The following HSP90AA1 variants were observed in gnomAD, a reference collection of about 807,000 sequenced individuals.
The protein encoded by HSP90AA1 is heat shock protein 90 alpha family class A member 1.
HSP90AA1 carries 18 observed loss-of-function variants against 73.3 expected under a neutral mutation model. The observed-to-expected ratio is 0.25, with a 90% CI of 0.17 to 0.36. The LOEUF (loss-of-function observed/expected upper bound fraction) is 0.36. Ranked by LOEUF, HSP90AA1 falls within the 10% of genes least tolerant of loss-of-function variation. The probability of loss-of-function intolerance (pLI) is 1.00; values close to 1 mark genes in which losing one functional copy is unlikely to be tolerated. For synonymous variants in HSP90AA1, 477 were observed against 296.9 expected, an observed-to-expected ratio of 1.61 and a Z score of -6.24; for missense variants, 704 against 874.2, an observed-to-expected ratio of 0.81 and a Z score of 2.45.
At chr14:102,113,964 C>A (rs2049675358) in intron 1 of HSP90AA1, among the ~76,000 whole-genome samples, 1 of 152,192 alleles carries the variant, frequency 6.6e-6, no homozygotes, top group Non-Finnish European at 1.5e-5. Flanking sequence ...CCCACCTTGG[C>A]CTCCCAAAGT....
chr14:102,112,970 G>A (rs1273698226), intron 1 of HSP90AA1, among the ~76,000 whole-genome samples: 1 of 151,986 alleles, frequency 6.6e-6, no homozygotes. Flanking sequence ...TGTACAGCCT[G>A]TTTTCTTCAA....
intron 1 of HSP90AA1, among the ~76,000 whole-genome samples, chr14:102,129,335 CA>C (rs1566736799): frequency 6.6e-6 from 1 of 151,328 alleles, no homozygotes; most frequent in Non-Finnish European, 1.5e-5. Context: ...TTTAACTGCA[CA>C]TATAATTCAC....
chr14:102,100,189 A>G (rs1443076941), intron 2 of HSP90AA1, among the ~76,000 whole-genome samples: 1 of 151,996 alleles, frequency 6.6e-6, no homozygotes, highest in Non-Finnish European at 1.5e-5. Context: ...CTCTGTCTCG[A>G]AAAAAAAAGA....
intron 1 of HSP90AA1, among the ~76,000 whole-genome samples, chr14:102,136,008 G>C (rs2049989314): frequency 6.6e-6 from 1 of 152,268 alleles, no homozygotes; most frequent in Non-Finnish European, 1.5e-5. Context: ...CAAAGTGGGA[G>C]CCCAGGCAGG....
At chr14:102,090,299 T>G (rs1479766418), upstream of HSP90AA1, among the ~76,000 whole-genome samples, 1 of 152,198 alleles carries the variant, frequency 6.6e-6, no homozygotes, top group Non-Finnish European at 1.5e-5. Context: ...TGTCCTGTCA[T>G]GGAGAGGTTC....
In HSP90AA1 at chr14:102,084,942, G is replaced by A; in HGVS notation, c.720C>T (p.Asp240=). The change falls in exon 5 of 11, where the codon GAC becomes GAT. Residue 240 remains aspartate, a synonymous_variant. Coordinates refer to ENST00000216281, the MANE Select transcript of HSP90AA1 (RefSeq NM_005348.4). ...VSDDEAEEKE[D]KEEEKEKEEK... ...CTTCTTTTTCTTTTTCTTCTTCTTTGTCTTCCTTTTCTTCAGCCTCATCAT... is the reference window on the plus strand; with the variant it reads ...CTTCTTTTTCTTTTTCTTCTTCTTTATCTTCCTTTTCTTCAGCCTCATCAT... The A allele has an allele frequency of 6.3e-7, 1 of 1,592,190 alleles. No individual in the cohort carries two copies. Among genetic ancestry groups the A allele is most frequent in the South Asian group, 1.1e-5 (1 of 90,564 alleles).
intron 2 of HSP90AA1, chr14:102,101,844 G>C: frequency 6.4e-7 from 1 of 1,558,306 alleles, no homozygotes. Context: ...GAAATGTTTA[G>C]GATAGTAATT....
exon 1 of HSP90AA1, chr14:102,139,663 C>G: frequency 1.5e-6 from 1 of 649,646 alleles, no homozygotes; most frequent in South Asian, 2.0e-5. Context: ...TGGGAAGCAG[C>G]CATGCCGCCC....
chr14:102,081,216 C>G lies in HSP90AA1; in HGVS notation c.*496G>C, dbSNP rs974551065. 1 of 243,168 alleles carries G rather than the reference C, an allele frequency of 4.1e-6. No individual in the cohort carries two copies. Among genetic ancestry groups the G allele is most frequent in the Non-Finnish European group, 8.1e-6 (1 of 123,314 alleles). The allele number at this position is 243,168 out of a possible 1,614,324, so 15.1% of individuals were successfully genotyped here. On this transcript the variant is annotated 3_prime_UTR_variant, in exon 11 of 11. Coordinates refer to ENST00000216281, the MANE Select transcript of HSP90AA1 (RefSeq NM_005348.4). ...AATACTTTTCTTTGGAAAACAAGCC[C>G]TGTGGAGAGATCCTTCCATCAAGTT... is the stretch of plus-strand genomic sequence containing the variant.
chr14:102,121,517 TCTCA>T (rs1355029311), intron 1 of HSP90AA1, among the ~76,000 whole-genome samples: 2 of 152,202 alleles, frequency 1.3e-5, no homozygotes, highest in East Asian at 3.8e-4. Context: ...CAACTTGCAT[TCTCA>T]CTAATGGAAA....
rs147997431 is a variant in HSP90AA1 at position 102,102,642 on chromosome 14, G to A, written c.156-557C>T. Reference sequence around the variant, plus strand: ...GAAGAAGAGGCTCTGCCACGCATACGACTTGTGAGAGTTTCTCATCAAATG... The same window carrying A: ...GAAGAAGAGGCTCTGCCACGCATACAACTTGTGAGAGTTTCTCATCAAATG... On this transcript the variant is annotated intron_variant, in intron 1 of 11. Transcript: ENST00000334701. 2.6e-5 allele frequency among the ~76,000 whole-genome samples: 4 copies of A among 152,304 alleles called. No homozygotes were observed. In the East Asian group the frequency reaches 7.7e-4, roughly 29 times the overall value.
intron 1 of HSP90AA1, among the ~76,000 whole-genome samples, chr14:102,108,127 G>A (rs1167296496): frequency 1.3e-5 from 2 of 151,628 alleles, no homozygotes; most frequent in Non-Finnish European, 2.9e-5. Flanking sequence ...GCTAAGTGTG[G>A]TGGCATGTAC....
At chr14:102,096,840 G>A (rs1035667088) in intron 2 of HSP90AA1, among the ~76,000 whole-genome samples, 4 of 152,058 alleles carry the variant, frequency 2.6e-5, no homozygotes, top group African/African-American at 7.2e-5. Flanking sequence ...TCATTTTTTC[G>A]TTATTCCCTG....
intron 1 of HSP90AA1, among the ~76,000 whole-genome samples, chr14:102,119,673 G>C (rs2049751269): frequency 6.6e-6 from 1 of 152,092 alleles, no homozygotes; most frequent in Non-Finnish European, 1.5e-5. Context: ...ATTTTCAGTA[G>C]AGACAGGGTT....
chr14:102,092,134 T>A (rs2049367483), intron 2 of HSP90AA1, among the ~76,000 whole-genome samples: 1 of 151,890 alleles, frequency 6.6e-6, no homozygotes, highest in African/African-American at 2.4e-5. Context: ...TGTCGCGTGC[T>A]CTTGGCTCAC....
rs1408748968 is a variant in HSP90AA1 at position 102,085,177 on chromosome 14, A to G, written c.663+121T>C. 4 of 1,405,996 alleles carry G rather than the reference A, an allele frequency of 2.8e-6. No homozygotes were observed. In the East Asian group the frequency reaches 9.2e-5, roughly 32 times the overall value. 87.1% of individuals were successfully genotyped at this position (1,405,996 alleles called of 1,614,324 possible). On this transcript the variant is annotated intron_variant, in intron 4 of 10. Coordinates refer to ENST00000216281, the MANE Select transcript of HSP90AA1 (RefSeq NM_005348.4). ...CCGAGGAACTTTTACAGAGTTAGGT[A>G]GTAGAGCTTAGGTTCCCCAGGCTTC...
At chr14:102,131,905 A>C (rs763548475) in intron 1 of HSP90AA1, among the ~76,000 whole-genome samples, 8 of 152,160 alleles carry the variant, frequency 5.3e-5, no homozygotes, top group Non-Finnish European at 1.2e-4. Flanking sequence ...ATGCATCCCA[A>C]AAGTTACAAC....
chr14:102,137,992 C>A (rs1407966932), intron 1 of HSP90AA1, among the ~76,000 whole-genome samples: 16 of 149,716 alleles, frequency 1.1e-4, no homozygotes, highest in Non-Finnish European at 8.9e-5. Context: ...TCCAGCATGG[C>A]GACAGCGAGA....
chr14:102,139,490 G>A (rs2152632026), exon 1 of HSP90AA1: 3 of 1,391,806 alleles, frequency 2.2e-6, no homozygotes, highest in South Asian at 1.4e-5. Flanking sequence ...TTGGGGTCCC[G>A]GCGCCCCTCA....
Sources: gnomAD v4.1 joint callset for allele counts (sites outside exome capture counted in the v4.1 genomes callset) on GRCh38, gnomAD v4.1.1 for gene constraint, MANE v1.5 for transcripts, NCBI Gene and HGNC (gene_info 2026-07-23, HGNC 2026-07-21) for gene names.